The following RMND5A variants were observed in gnomAD, a reference collection of about 807,000 sequenced individuals.
RMND5A encodes E3 ubiquitin-protein transferase RMND5A.
A neutral mutation model predicts 49.7 loss-of-function variants in RMND5A; 17 were observed. That is an observed-to-expected ratio of 0.34 (90% CI 0.23 to 0.51). The LOEUF is 0.51. Ranked by LOEUF, RMND5A falls within the 20% of genes least tolerant of loss-of-function variation. The pLI is 0.96. For synonymous variants in RMND5A, 156 were observed against 167.7 expected (o/e 0.93, Z 0.54); for missense variants, 255 against 471.3 (o/e 0.54, Z 4.25).
At chr2:86,748,248 G>T (rs1681572538) in intron 2 of RMND5A, 1 of 152,158 alleles carries the variant, frequency 6.6e-6, no homozygotes, top group African/African-American at 2.4e-5. Flanking sequence ...AAAGGAGTTT[G>T]ACAGTGTATT....
chr2:86,751,354 A>G (rs1304833421), intron 2 of RMND5A, among the ~76,000 whole-genome samples: 2 of 152,220 alleles, frequency 1.3e-5, no homozygotes, highest in Admixed American at 1.3e-4. Context: ...CAAAATCTGT[A>G]GTATGCTGTT....
chr2:86,765,734 C>A, intron 5 of RMND5A, 125 bp from the exon 6 acceptor site: 1 of 760,058 alleles, frequency 1.3e-6, no homozygotes, highest in Admixed American at 3.1e-5. Flanking sequence ...AGCTTAAGGA[C>A]CAGAATTTTA....
chr2:86,745,293 T>C (rs6728187), intron 2 of RMND5A, among the ~76,000 whole-genome samples: 4,926 of 152,276 alleles, frequency 0.032, 277 homozygotes, highest in African/African-American at 0.11. Flanking sequence ...CTTTATAAGA[T>C]TGCTGTTTTG....
At chr2:86,763,425 C>T (rs967754812) in intron 4 of RMND5A, among the ~76,000 whole-genome samples, 44 of 152,136 alleles carry the variant, frequency 2.9e-4, no homozygotes, top group African/African-American at 1.0e-3. Flanking sequence ...CTGCAAAAAG[C>T]ACAGTGCTGT....
At chr2:86,728,911 C>T (rs1681312036) in intron 1 of RMND5A, among the ~76,000 whole-genome samples, 1 of 151,514 alleles carries the variant, frequency 6.6e-6, no homozygotes, top group Non-Finnish European at 1.5e-5. Flanking sequence ...TGCCACCAGG[C>T]CTGACTATTT....
intron 1 of RMND5A, among the ~76,000 whole-genome samples, chr2:86,723,960 C>G (rs1484267217): frequency 1.4e-3 from 218 of 151,066 alleles, no homozygotes; most frequent in African/African-American, 4.2e-3. Flanking sequence ...ATGCAAGTTT[C>G]TTAATGCAGA....
At chr2:86,764,945 T>A in intron 4 of RMND5A, 82 bp from the exon 5 acceptor site, 1 of 1,374,456 alleles carries the variant, frequency 7.3e-7, no homozygotes, top group Non-Finnish European at 9.9e-7. Flanking sequence ...AGCCCCTTTT[T>A]TGTTTTACTG....
chr2:86,762,453 T>G (rs1672510189), intron 4 of RMND5A, among the ~76,000 whole-genome samples: 1 of 151,820 alleles, frequency 6.6e-6, no homozygotes, highest in Non-Finnish European at 1.5e-5. Flanking sequence ...AAGACCAGCC[T>G]GGCCAACATG....
chr2:86,756,332 G>C (rs1480741368), intron 4 of RMND5A, among the ~76,000 whole-genome samples: 1 of 152,164 alleles, frequency 6.6e-6, no homozygotes, highest in East Asian at 1.9e-4. Context: ...GGCGGAGTCT[G>C]CAGTGAACCA....
In RMND5A at chr2:86,725,523, G is replaced by A. The variant is rs1306597892; in HGVS notation, c.142+4714G>A. 1.3e-4 allele frequency among the ~76,000 whole-genome samples: 10 copies of A among 76,666 alleles called. 3 individuals carry two copies. Among genetic ancestry groups the A allele is most frequent in the African/African-American group, 4.9e-4 (10 of 20,378 alleles). 50.3% of individuals were successfully genotyped at this position (76,666 alleles called of 152,430 possible). ...CTGCCTCAGCCTCCTGAGTAGCTGG[G>A]ATTACAGGCACCACCTGCCACCATG... is the stretch of plus-strand genomic sequence containing the variant. On this transcript the variant is annotated intron_variant, in intron 1 of 8. Transcript: ENST00000283632.
Position 86,765,952 on chromosome 2 carries a change from A to G in RMND5A, c.782A>G (p.Asp261Gly). The part of the protein sequence containing the change: ...VHLLDANQWA[D>G]ICDIFTRDAC... ...CTACTTGATGCAAACCAGTGGGCTGATATCTGTGACATCTTTACACGGGAT... is the reference window on the plus strand; with the variant it reads ...CTACTTGATGCAAACCAGTGGGCTGGTATCTGTGACATCTTTACACGGGAT... The change falls in exon 6 of 9, where the codon GAT becomes GGT. Residue 261 changes from aspartate to glycine, a missense_variant. This residue lies in a region of RMND5A where 208 missense variants were observed against 339.8 expected (regional missense o/e 0.61). Coordinates refer to ENST00000283632, the MANE Select transcript of RMND5A (RefSeq NM_022780.4). 6.2e-7 allele frequency: 1 copy of G among 1,614,202 alleles called. No individual in the cohort carries two copies. Among genetic ancestry groups the G allele is most frequent in the Non-Finnish European group, 8.5e-7 (1 of 1,180,026 alleles).
rs1672729781 is a variant in RMND5A, at chr2:86,774,287, A to G, written c.*876A>G. 6.6e-6 allele frequency: 1 copy of G among 152,634 alleles called. No individual in the cohort carries two copies. Among genetic ancestry groups the G allele is most frequent in the Admixed American group, 6.5e-5 (1 of 15,284 alleles). 9.5% of individuals were successfully genotyped at this position (152,634 alleles called of 1,614,324 possible). ...CAGACACAGTGTTGTGCATGTGTGT[A>G]TTGTATATGTGCACCAGCATCAAAC... On this transcript the variant is annotated 3_prime_UTR_variant, in exon 9 of 9. Coordinates refer to ENST00000283632, the MANE Select transcript of RMND5A (RefSeq NM_022780.4).
intron 4 of RMND5A, among the ~76,000 whole-genome samples, chr2:86,756,772 C>CCTG (rs1180173557): frequency 6.6e-6 from 1 of 152,130 alleles, no homozygotes; most frequent in East Asian, 1.9e-4. Flanking sequence ...CCCATTTGTT[C>CCTG]CTGCTGGGAA....
chr2:86,776,600 A>T lies in RMND5A; in HGVS notation c.*3189A>T, dbSNP rs1379005550. The T allele has an allele frequency of 6.6e-6, 1 of 152,178 alleles. No homozygotes were observed. The highest frequency in any genetic ancestry group is 2.4e-5 in the African/African-American group (1 of 41,446). 9.4% of individuals were successfully genotyped at this position (152,178 alleles called of 1,614,324 possible). A position where few individuals can be genotyped will look rare whatever the true frequency, so the allele number is the denominator to read the frequency against. On this transcript the variant is annotated 3_prime_UTR_variant, in exon 9 of 9. Transcript: ENST00000283632. ...AGTGGCTTAGCCTTTGGGACAGTGGATACTGCAACAGCCAAGAACTCTTGG... is the reference window on the plus strand; with the variant it reads ...AGTGGCTTAGCCTTTGGGACAGTGGTTACTGCAACAGCCAAGAACTCTTGG...
intron 4 of RMND5A, among the ~76,000 whole-genome samples, chr2:86,755,205 A>T (rs1345171347): frequency 1.3e-5 from 2 of 151,964 alleles, no homozygotes; most frequent in African/African-American, 4.8e-5. Flanking sequence ...CACACTCTCA[A>T]ACTCCTGGGC....
chr2:86,757,709 A>G (rs1011624457), intron 4 of RMND5A, among the ~76,000 whole-genome samples: 1 of 152,198 alleles, frequency 6.6e-6, no homozygotes, highest in African/African-American at 2.4e-5. Flanking sequence ...GAGTAATACT[A>G]CCTTGCTGGA....
intron 2 of RMND5A, among the ~76,000 whole-genome samples, chr2:86,746,889 C>T (rs1193432478): frequency 6.6e-6 from 1 of 152,124 alleles, no homozygotes; most frequent in African/African-American, 2.4e-5. Flanking sequence ...ATGTTGATAA[C>T]CAAAGAAGAG....
In RMND5A at chr2:86,720,462, G is replaced by A. The variant is rs577335495; in HGVS notation, c.-206G>A. On this transcript the variant is annotated 5_prime_UTR_variant, in exon 1 of 9. Coordinates refer to ENST00000283632, the MANE Select transcript of RMND5A (RefSeq NM_022780.4). The stretch of plus-strand genomic sequence containing the variant: ...CGAACGGGAGCAGCGGCGACTCGCC[G>A]GGGGGCTAGGGCGCCATGGGGCAGG... 4.9e-5 allele frequency: 11 copies of A among 223,780 alleles called. No homozygotes were observed. The highest frequency in any genetic ancestry group is 1.8e-4 in the South Asian group (1 of 5,628). 13.9% of individuals were successfully genotyped at this position (223,780 alleles called of 1,614,324 possible). A position where few individuals can be genotyped will look rare whatever the true frequency, so the allele number is the denominator to read the frequency against.
intron 1 of RMND5A, among the ~76,000 whole-genome samples, chr2:86,733,979 C>A: frequency 1.3e-5 from 2 of 150,584 alleles, no homozygotes. Flanking sequence ...TAGAACTCTC[C>A]CAGTAGGACT....
Sources: allele counts gnomAD v4.1 joint callset (sites outside exome capture counted in the v4.1 genomes callset), GRCh38; gene constraint gnomAD v4.1.1; regional missense constraint gnomAD v4.1.1; transcripts MANE v1.5; gene names NCBI Gene and HGNC (gene_info 2026-07-23, HGNC 2026-07-21).